DNM1L: variants seen among roughly 807,000 people sequenced by gnomAD.
DNM1L encodes dynamin 1L.
In DNM1L, 33 loss-of-function variants were observed where a neutral mutation model predicts 92.8. The observed-to-expected ratio is 0.36, with a 90% CI of 0.27 to 0.48. The LOEUF (loss-of-function observed/expected upper bound fraction) is 0.48. DNM1L is among the 20% of genes least tolerant of loss of function. The pLI is 0.99. For synonymous variants in DNM1L, 284 were observed against 305.0 expected (o/e 0.93, Z 0.72); for missense variants, 485 against 888.8 (o/e 0.55, Z 5.78).
Position 32,738,290 on chromosome 12 carries a change from TA to T in DNM1L, c.1706del (p.Asn569MetfsTer25). On this transcript the variant is annotated frameshift_variant, in exon 16 of 20. Transcript: ENST00000549701. LOFTEE classifies it high-confidence loss of function. ...KLIQDSRRET[K>X]NVASGGGGVG... ...TAATTCAGGACAGCAGAAGAGAAAC[TA>T]AAAATGTGAGTCTCTTGCTTCAGAA... is the stretch of plus-strand genomic sequence containing the variant. 6.2e-7 allele frequency: 1 copy of T among 1,613,646 alleles called. No homozygotes were observed. The highest frequency in any genetic ancestry group is 8.5e-7 in the Non-Finnish European group (1 of 1,179,740).
chr12:32,738,495 C>T (rs1464789288), intron 16 of DNM1L, among the ~76,000 whole-genome samples, 199 bp downstream of exon 16: 1 of 152,162 alleles, frequency 6.6e-6, no homozygotes, highest in Non-Finnish European at 1.5e-5. Flanking sequence ...GGCTTTCTCA[C>T]TGTTTTGTTA....
At chr12:32,742,560 A>C in intron 18 of DNM1L, 29 bp from the exon 19 acceptor site, 1 of 1,613,798 alleles carries the variant, frequency 6.2e-7, no homozygotes, top group Non-Finnish European at 8.5e-7. Context: ...ATTTTGGCTA[A>C]AATTCCATAA....
At chr12:32,717,881 A>G (rs146726566) in intron 6 of DNM1L, among the ~76,000 whole-genome samples, 2,512 of 86,542 alleles carry the variant, frequency 0.029, 274 homozygotes, top group African/African-American at 0.041. Flanking sequence ...TATACTATAT[A>G]TATTTATATA....
chr12:32,696,590 A>G (rs924811592), intron 1 of DNM1L, among the ~76,000 whole-genome samples: 1 of 147,396 alleles, frequency 6.8e-6, no homozygotes, highest in Non-Finnish European at 1.5e-5. Context: ...ACAGAGCTAG[A>G]CAGTGTCTCT....
At position 32,722,509 on chromosome 12, in the gene DNM1L, C is replaced by G; in HGVS notation, c.955C>G (p.Leu319Val). Residue 319 changes from leucine (L) to valine (V), a missense_variant, in exon 9 of 20, where the codon CTA becomes GTA. Coordinates refer to ENST00000549701, the MANE Select transcript of DNM1L (RefSeq NM_012062.5). ...TCTAGCTGCTCAGTATCAGTCTCTT[C>G]TAAATAGCTACGGTGAACCCGTGGA... is the stretch of plus-strand genomic sequence containing the variant. ...NVLAAQYQSL[L>V]NSYGEPVDDK... 2.5e-6 allele frequency: 4 copies of G among 1,613,442 alleles called. No individual in the cohort carries two copies. Among genetic ancestry groups the G allele is most frequent in the Non-Finnish European group, 3.4e-6 (4 of 1,179,956 alleles).
intron 14 of DNM1L, 104 bp downstream of exon 14, chr12:32,737,265 T>G (rs541866258): frequency 3.4e-6 from 4 of 1,172,060 alleles, no homozygotes; most frequent in Admixed American, 2.0e-5. Flanking sequence ...TTTCCTCCCT[T>G]TAACACTCCA....
At chr12:32,726,704 C>T (rs1251758846) in intron 9 of DNM1L, 8 of 647,178 alleles carry the variant, frequency 1.2e-5, no homozygotes, top group Non-Finnish European at 2.2e-5. Flanking sequence ...TACGAATTGT[C>T]CCATGTCCCT....
chr12:32,717,375 C>T (rs969123160), intron 6 of DNM1L, among the ~76,000 whole-genome samples: 9 of 60,394 alleles, frequency 1.5e-4, no homozygotes, highest in Non-Finnish European at 2.0e-4. Context: ...AATATATATA[C>T]TATATATAAT....
rs1952699773 is a variant in DNM1L, at chr12:32,701,519, T to C, written c.207T>C (p.His69=). Residue 69 remains histidine, a synonymous_variant, in exon 2 of 20, where the codon CAT becomes CAC. Transcript: ENST00000549701. ...TRRPLILQLV[H]VSQEDKRKTT... is the part of the protein sequence containing the mutation. ...GACCTCTCATTCTGCAACTGGTCCA[T>C]GTTTCACAAGAAGATAAACGGAAAA... The C allele has an allele frequency of 6.2e-7, 1 of 1,614,016 alleles. No individual in the cohort carries two copies. Among genetic ancestry groups the C allele is most frequent in the African/African-American group, 1.3e-5 (1 of 75,028 alleles).
chr12:32,699,102 A>G (rs74553788), intron 1 of DNM1L, among the ~76,000 whole-genome samples: 1,818 of 152,246 alleles, frequency 0.012, 35 homozygotes, highest in African/African-American at 0.042. Flanking sequence ...GATGCATGCC[A>G]CAATGTTTAG....
chr12:32,704,258 T>C (rs1187723607), intron 2 of DNM1L, among the ~76,000 whole-genome samples: 1 of 152,124 alleles, frequency 6.6e-6, no homozygotes, highest in Non-Finnish European at 1.5e-5. Context: ...TTTTAAAAAA[T>C]GCAAACATAG....
intron 6 of DNM1L, 149 bp from the exon 7 acceptor site, chr12:32,718,494 C>T (rs1274919961): frequency 1.0e-6 from 1 of 980,014 alleles, no homozygotes; most frequent in Admixed American, 2.2e-5. Flanking sequence ...TAAAAAAGCA[C>T]TGGTAAGTAA....
intron 4 of DNM1L, among the ~76,000 whole-genome samples, chr12:32,710,402 T>G (rs1311597302): frequency 1.3e-5 from 2 of 152,146 alleles, no homozygotes; most frequent in Non-Finnish European, 2.9e-5. Flanking sequence ...TAAACATATT[T>G]AAGGAATGGC....
intron 1 of DNM1L, among the ~76,000 whole-genome samples, chr12:32,690,120 C>T (rs906958740): frequency 6.6e-6 from 1 of 152,206 alleles, no homozygotes; most frequent in Non-Finnish European, 1.5e-5. Context: ...ATGTTTAAAT[C>T]ACCAGGTGGG....
chr12:32,722,402 A>G (rs1218476258), intron 8 of DNM1L, 25 bp from the exon 9 acceptor site: 1 of 1,602,330 alleles, frequency 6.2e-7, no homozygotes, highest in South Asian at 1.1e-5. Context: ...TTACTTTTAA[A>G]TCCTTCCTTT....
intron 6 of DNM1L, among the ~76,000 whole-genome samples, chr12:32,717,449 C>A (rs186809734): frequency 3.9e-5 from 2 of 50,916 alleles, no homozygotes; most frequent in African/African-American, 3.1e-4. Context: ...TAAATATATA[C>A]TATATATATT....
chr12:32,729,054 G>A (rs1954352885), intron 9 of DNM1L: 1 of 152,312 alleles, frequency 6.6e-6, no homozygotes, highest in Admixed American at 6.5e-5. Context: ...GCTTCCCAAA[G>A]TGCTGGGATT....
At position 32,704,898 on chromosome 12, in the gene DNM1L, AC is replaced by A. The variant is rs538280187; in HGVS notation, c.251-2468del. On this transcript the variant is annotated intron_variant, in intron 2 of 19. Transcript: ENST00000549701. ...GGCAAATACTTGCATATACTTACCAACTTTTAAGGTTTTGAAAGATGTATTT... is the reference window on the plus strand; with the variant it reads ...GGCAAATACTTGCATATACTTACCAATTTTAAGGTTTTGAAAGATGTATTT... Among the ~76,000 whole-genome samples, 175 of 152,180 alleles carry A rather than the reference AC, an allele frequency of 1.1e-3. 1 individual carries two copies. The highest frequency in any genetic ancestry group is 4.0e-3 in the African/African-American group (166 of 41,516).
chr12:32,727,518 C>T, intron 9 of DNM1L: 1 of 554,280 alleles, frequency 1.8e-6, no homozygotes, highest in South Asian at 2.4e-5. Context: ...GAGACCCTAT[C>T]TCTGAAAATG....
Sources: gnomAD v4.1 joint callset for allele counts (sites outside exome capture counted in the v4.1 genomes callset) on GRCh38, gnomAD v4.1.1 for gene constraint, MANE v1.5 for transcripts, NCBI Gene and HGNC (gene_info 2026-07-23, HGNC 2026-07-21) for gene names.